The following PGS1 variants were observed in gnomAD, a reference collection of about 807,000 sequenced individuals.
PGS1 encodes the protein CDP-diacylglycerol--glycerol-3-phosphate 3-phosphatidyltransferase, mitochondrial.
Under a neutral mutation model 58.3 loss-of-function variants are expected in PGS1, and 44 were observed. That is an observed-to-expected ratio of 0.75 (90% CI 0.59 to 0.97). PGS1 has a LOEUF of 0.97. PGS1 is among the 50% of genes least tolerant of loss of function. The pLI, the probability that PGS1 is intolerant of heterozygous loss-of-function variation, is 0.00. For missense variants in PGS1, 684 were observed against 731.1 expected (o/e 0.94, Z 0.74); for synonymous variants, 330 against 311.0 (o/e 1.06, Z -0.64).
chr17:78,416,727 C>G (rs189181354), intron 8 of PGS1, among the ~76,000 whole-genome samples: 11 of 152,338 alleles, frequency 7.2e-5, no homozygotes, highest in Middle Eastern at 3.4e-3. Flanking sequence ...CTCTTCCATT[C>G]TTTAGGGATA....
intron 3 of PGS1, among the ~76,000 whole-genome samples, chr17:78,397,201 A>G (rs1437313600): frequency 7.4e-6 from 1 of 134,554 alleles, no homozygotes; most frequent in Non-Finnish European, 1.7e-5. Context: ...GCATGGCGGG[A>G]TCTGAGGCTC....
At chr17:78,418,095 A>G (rs1183713881) in intron 8 of PGS1, among the ~76,000 whole-genome samples, 1 of 151,402 alleles carries the variant, frequency 6.6e-6, no homozygotes, top group Non-Finnish European at 1.5e-5. Context: ...ACGCCCGGCT[A>G]ATGTTTGTAT....
chr17:78,406,436 G>T (rs1283169277), intron 7 of PGS1, among the ~76,000 whole-genome samples: 2 of 152,252 alleles, frequency 1.3e-5, no homozygotes, highest in Non-Finnish European at 2.9e-5. Context: ...GCCTAGCCTA[G>T]CCTTAAGAAC....
At chr17:78,395,465 G>A (rs767317229) in intron 2 of PGS1, among the ~76,000 whole-genome samples, 18 of 152,056 alleles carry the variant, frequency 1.2e-4, no homozygotes, top group Non-Finnish European at 1.8e-4. Flanking sequence ...CTTCTCATAG[G>A]GAAGCAGGTA....
intron 7 of PGS1, among the ~76,000 whole-genome samples, chr17:78,410,795 T>G (rs1360997369): frequency 6.6e-6 from 1 of 152,032 alleles, no homozygotes; most frequent in Admixed American, 6.6e-5. Flanking sequence ...TTACACTTAA[T>G]TTGACCTTTT....
At chr17:78,414,222 T>C (rs950584878) in intron 7 of PGS1, among the ~76,000 whole-genome samples, 1 of 152,210 alleles carries the variant, frequency 6.6e-6, no homozygotes, top group Non-Finnish European at 1.5e-5. Flanking sequence ...ACAGACGGCC[T>C]ACCCAGGACC....
chr17:78,382,849 G>T (rs959461810), intron 1 of PGS1: 2 of 152,076 alleles, frequency 1.3e-5, no homozygotes, highest in African/African-American at 4.8e-5. Flanking sequence ...GTTTCACCAT[G>T]TTAGCTAGGA....
chr17:78,403,477 A>C (rs2083860640), intron 6 of PGS1, 91 bp from the exon 7 acceptor site: 2 of 1,327,302 alleles, frequency 1.5e-6, no homozygotes, highest in Admixed American at 3.9e-5. Flanking sequence ...TAGCGTCTGC[A>C]CTTGCCTATC....
intron 3 of PGS1, 71 bp downstream of exon 3, chr17:78,396,456 C>A (rs2083234938): frequency 1.8e-6 from 2 of 1,128,252 alleles, no homozygotes; most frequent in South Asian, 2.9e-5. Flanking sequence ...CTTTTTGTGC[C>A]ATGCAGTTGG....
intron 7 of PGS1, among the ~76,000 whole-genome samples, chr17:78,413,605 C>G (rs2084920976): frequency 1.3e-5 from 2 of 152,240 alleles, no homozygotes. Flanking sequence ...CCTGCTCACA[C>G]TGACATCAGG....
intron 6 of PGS1, among the ~76,000 whole-genome samples, chr17:78,401,276 G>A (rs1469712059): frequency 5.3e-5 from 8 of 152,174 alleles, no homozygotes; most frequent in Non-Finnish European, 7.4e-5. Flanking sequence ...GCCTGGGCGA[G>A]TGACCCAGAA....
chr17:78,400,489 C>A lies in PGS1; in HGVS notation c.702-188C>A, dbSNP rs1306583055. On this transcript the variant is annotated intron_variant, in intron 5 of 9. Coordinates refer to ENST00000262764, the MANE Select transcript of PGS1 (RefSeq NM_024419.5). The surrounding 1 kb of genome is among the most constrained non-coding windows in gnomAD (Gnocchi z 4.4). ...GAGGAGGAGGCTGTGGGTCACTTTG[C>A]TGTGTCACCTTGGATCAACTCTGGC... Among the ~76,000 whole-genome samples the A allele has an allele frequency of 6.6e-6, 1 of 152,114 alleles. No individual in the cohort carries two copies. The highest frequency in any genetic ancestry group is 1.9e-4 in the East Asian group (1 of 5,202).
Position 78,403,627 on chromosome 17 carries a change from G to T in PGS1, c.940G>T (p.Ala314Ser). The change falls in exon 7 of 10, where the codon GCC becomes TCC. Residue 314 changes from alanine to serine, a missense_variant. Coordinates refer to ENST00000262764, the MANE Select transcript of PGS1 (RefSeq NM_024419.5). ...GAGGGTCATGGATGTGATCAACTCA[G>T]CCAGGACCCGCCAGCAGATGCTGCA... The part of the protein sequence containing the change: ...NKRVMDVINS[A>S]RTRQQMLHAQ... The T allele has an allele frequency of 6.2e-7, 1 of 1,614,146 alleles. No individual in the cohort carries two copies.
At chr17:78,398,202 C>A in intron 3 of PGS1, 50 bp from the exon 4 acceptor site, 1 of 1,321,414 alleles carries the variant, frequency 7.6e-7, no homozygotes, top group Non-Finnish European at 1.1e-6. Flanking sequence ...TCTTTAAATA[C>A]ACACACCTCT....
intron 6 of PGS1, among the ~76,000 whole-genome samples, chr17:78,402,975 TTCC>T (rs1457238873): frequency 2.6e-5 from 4 of 152,184 alleles, no homozygotes; most frequent in Admixed American, 2.0e-4. Context: ...CTGCCCGTTC[TTCC>T]TCTCTCTCAG....
At chr17:78,382,139 G>T (rs1021910499) in intron 1 of PGS1, among the ~76,000 whole-genome samples, 1 of 152,154 alleles carries the variant, frequency 6.6e-6, no homozygotes, top group African/African-American at 2.4e-5. Flanking sequence ...TGTTCAAGAA[G>T]TGATAGTGAC....
rs1475528618 is a variant in PGS1, at chr17:78,399,451, G to T, written c.615G>T (p.Arg205=). The T allele has an allele frequency of 6.2e-7, 1 of 1,614,142 alleles. No homozygotes were observed. The highest frequency in any genetic ancestry group is 8.5e-7 in the Non-Finnish European group (1 of 1,180,020). Reference sequence around the variant, plus strand: ...CGCCGCACCTCCGTGGGCTGCTTCGGCTCCTCATCCCTGAGCGCTTCAACG... The same window carrying T: ...CGCCGCACCTCCGTGGGCTGCTTCGTCTCCTCATCCCTGAGCGCTTCAACG... ...FHTPHLRGLL[R]LLIPERFNET... The change falls in exon 5 of 10, where the codon CGG becomes CGT. Residue 205 remains arginine, a synonymous_variant. Transcript: ENST00000262764.
At chr17:78,410,878 C>T (rs1294422403) in intron 7 of PGS1, among the ~76,000 whole-genome samples, 3 of 152,064 alleles carry the variant, frequency 2.0e-5, no homozygotes, top group Non-Finnish European at 4.4e-5. Flanking sequence ...CAGCTGTGTC[C>T]CAGGCATCAT....
intron 8 of PGS1, among the ~76,000 whole-genome samples, chr17:78,416,134 G>A (rs537742869): frequency 5.9e-5 from 9 of 152,166 alleles, no homozygotes; most frequent in Non-Finnish European, 1.3e-4. Context: ...AAGGCTTCAC[G>A]ACCACGACAG....
Sources: gnomAD v4.1 joint callset for allele counts (sites outside exome capture counted in the v4.1 genomes callset) on GRCh38, gnomAD v4.1.1 for gene constraint, Gnocchi (gnomAD v3.1) non-coding constraint, MANE v1.5 for transcripts, NCBI Gene and HGNC (gene_info 2026-07-23, HGNC 2026-07-21) for gene names.